The following PCDHGA4 variants were observed in gnomAD, a reference collection of about 807,000 sequenced individuals.
The protein encoded by PCDHGA4 is protocadherin gamma-A4.
A neutral mutation model predicts 54.6 loss-of-function variants in PCDHGA4; 38 were observed. That is an observed-to-expected ratio of 0.70 (90% CI 0.54 to 0.91). The LOEUF is 0.91. PCDHGA4 is among the 40% of genes least tolerant of loss of function. The probability of loss-of-function intolerance (pLI) is 0.00; values close to 1 mark genes in which losing one functional copy is unlikely to be tolerated. For missense variants in PCDHGA4, 1,298 were observed against 1,220.9 expected, an observed-to-expected ratio of 1.06 and a Z score of -0.94; for synonymous variants, 511 against 512.9, an observed-to-expected ratio of 1.00 and a Z score of 0.05.
chr5:141,370,090 A>G (rs1766666321), intron 1 of PCDHGA4, among the ~76,000 whole-genome samples: 1 of 152,252 alleles, frequency 6.6e-6, no homozygotes, highest in South Asian at 2.1e-4. Context: ...CACTATCAGT[A>G]CACTGCCGAT....
At position 141,379,889 on chromosome 5, in the gene PCDHGA4, C is replaced by CTTTTTTTTTTTTTTTTTT. The variant is rs70988800; in HGVS notation, c.2514+22281_2514+22298dup. On this transcript the variant is annotated intron_variant, in intron 1 of 3. Coordinates refer to ENST00000571252, the MANE Select transcript of PCDHGA4 (RefSeq NM_018917.4). ...CTTATTTTATGGTCTGTGAAAGCCT[C>CTTTTTTTTTTTTTTTTTT]TTTTTTTTTTTTTTTTTTTTTTTTT... is the stretch of plus-strand genomic sequence containing the variant. Among the ~76,000 whole-genome samples the CTTTTTTTTTTTTTTTTTT allele has an allele frequency of 4.1e-3, 211 of 50,852 alleles. 27 individuals are homozygous for CTTTTTTTTTTTTTTTTTT. The highest frequency in any genetic ancestry group is 6.1e-3 in the Non-Finnish European group (157 of 25,898). 33.4% of individuals were successfully genotyped at this position (50,852 alleles called of 152,430 possible). A position where few individuals can be genotyped will look rare whatever the true frequency, so the allele number is the denominator to read the frequency against.
chr5:141,393,465 G>A lies in PCDHGA4; in HGVS notation c.2514+35844G>A, dbSNP rs776962387. The stretch of plus-strand genomic sequence containing the variant: ...CCTGGTCCTCACGGCCTCGGATGGC[G>A]GCAAGCCGCCTCGCTCTAGCACAGT... On this transcript the variant is annotated intron_variant, in intron 1 of 3. Transcript: ENST00000571252. 23 of 1,614,048 alleles carry A rather than the reference G, an allele frequency of 1.4e-5. No homozygotes were observed. The East Asian group carries it at 5.1e-4, about 36-fold the overall frequency.
chr5:141,414,785 C>A, intron 1 of PCDHGA4: 1 of 1,614,232 alleles, frequency 6.2e-7, no homozygotes, highest in Non-Finnish European at 8.5e-7. Context: ...ATGCAGGTGA[C>A]AGCCAGCGAC....
At chr5:141,399,719 G>A (rs773556952) in intron 1 of PCDHGA4, 13 of 1,613,168 alleles carry the variant, frequency 8.1e-6, no homozygotes, top group Non-Finnish European at 1.1e-5. Flanking sequence ...CTACAGGCCC[G>A]CGACCAGGGC....
chr5:141,394,724 G>T, intron 1 of PCDHGA4: 1 of 1,613,380 alleles, frequency 6.2e-7, no homozygotes, highest in Non-Finnish European at 8.5e-7. Flanking sequence ...ACAGAGATGC[G>T]CTCAAGCAGA....
intron 1 of PCDHGA4, among the ~76,000 whole-genome samples, chr5:141,373,410 C>A (rs1317795683): frequency 6.6e-6 from 1 of 152,216 alleles, no homozygotes; most frequent in Non-Finnish European, 1.5e-5. Flanking sequence ...GTAGTCCCAG[C>A]TACTCGGGAG....
At chr5:141,368,960 T>G (rs1765952746) in intron 1 of PCDHGA4, among the ~76,000 whole-genome samples, 2 of 152,218 alleles carry the variant, frequency 1.3e-5, no homozygotes, top group African/African-American at 2.4e-5. Flanking sequence ...TAGTTTAAGA[T>G]GCTATAATGC....
At chr5:141,368,970 C>T (rs551619328) in intron 1 of PCDHGA4, among the ~76,000 whole-genome samples, 1 of 152,290 alleles carries the variant, frequency 6.6e-6, no homozygotes, top group South Asian at 2.1e-4. Context: ...TGCTATAATG[C>T]TTTTCCACTA....
At chr5:141,405,708 C>T (rs1328051668) in intron 1 of PCDHGA4, among the ~76,000 whole-genome samples, 2 of 152,164 alleles carry the variant, frequency 1.3e-5, no homozygotes, top group African/African-American at 4.8e-5. Context: ...GAATTCCTAA[C>T]CTCAAGTGAT....
At chr5:141,461,328 A>G (rs2154567322) in intron 1 of PCDHGA4, among the ~76,000 whole-genome samples, 1 of 152,282 alleles carries the variant, frequency 6.6e-6, no homozygotes, top group East Asian at 1.9e-4. Flanking sequence ...AATAATGGCC[A>G]TTCTTGCAGG....
At chr5:141,433,266 T>C in intron 1 of PCDHGA4, 1 of 1,315,306 alleles carries the variant, frequency 7.6e-7, no homozygotes, top group Non-Finnish European at 1.1e-6. Flanking sequence ...CGATCATAGC[T>C]CACTGCAGCC....
intron 1 of PCDHGA4, chr5:141,388,959 G>C: frequency 6.2e-7 from 1 of 1,613,996 alleles, no homozygotes; most frequent in Non-Finnish European, 8.5e-7. Flanking sequence ...GGAGGACGCC[G>C]AGCTGGGAAC....
intron 1 of PCDHGA4, chr5:141,441,249 T>TA (rs981387539): frequency 2.0e-5 from 3 of 152,206 alleles, no homozygotes. Context: ...ACAAGATCTT[T>TA]AAATCACAAG....
At chr5:141,481,220 C>T (rs896803040) in intron 1 of PCDHGA4, among the ~76,000 whole-genome samples, 1 of 152,130 alleles carries the variant, frequency 6.6e-6, no homozygotes, top group African/African-American at 2.4e-5. Context: ...GGTAAGGTCT[C>T]CCAGCCTTAA....
At chr5:141,438,268 C>T (rs949472857) in intron 1 of PCDHGA4, among the ~76,000 whole-genome samples, 1 of 152,054 alleles carries the variant, frequency 6.6e-6, no homozygotes. Flanking sequence ...ACCATAGAAT[C>T]AAACAAAATA....
In PCDHGA4 at chr5:141,374,228, G is replaced by A. The variant is rs776875063; in HGVS notation, c.2514+16607G>A. On this transcript the variant is annotated intron_variant, in intron 1 of 3. Coordinates refer to ENST00000571252, the MANE Select transcript of PCDHGA4 (RefSeq NM_018917.4). ...GAAAGGCTCCTTCGTAGGCAACATC[G>A]TCAAGGATCTGGGACTGGAGCCCCA... The A allele has an allele frequency of 3.1e-6, 5 of 1,613,988 alleles. No homozygotes were observed. In the South Asian group the frequency reaches 3.3e-5, roughly 11 times the overall value.
At position 141,490,487 on chromosome 5, in the gene PCDHGA4, C is replaced by T. The variant is rs1398601464; in HGVS notation, c.2515-4320C>T. Reference sequence around the variant, plus strand: ...ACCAGCCAGCCTTTGGACCGGGAGGCCACATCCCACTATATCATCGAGCTG... The same window carrying T: ...ACCAGCCAGCCTTTGGACCGGGAGGTCACATCCCACTATATCATCGAGCTG... On this transcript the variant is annotated intron_variant, in intron 1 of 3. Coordinates refer to ENST00000571252, the MANE Select transcript of PCDHGA4 (RefSeq NM_018917.4). This position sits in a 1 kb window ranked among gnomAD's most constrained non-coding sequence, Gnocchi z 5.4. 4 of 1,614,000 alleles carry T rather than the reference C, an allele frequency of 2.5e-6. No homozygotes were observed. The highest frequency in any genetic ancestry group is 1.7e-5 in the Admixed American group (1 of 59,996).
rs772052592 is a variant in PCDHGA4, at chr5:141,385,040, T to C, written c.2514+27419T>C. 6.2e-6 allele frequency: 10 copies of C among 1,614,040 alleles called. No individual in the cohort carries two copies. In the South Asian group the frequency reaches 9.9e-5, roughly 16 times the overall value. On this transcript the variant is annotated intron_variant, in intron 1 of 3. Coordinates refer to ENST00000571252, the MANE Select transcript of PCDHGA4 (RefSeq NM_018917.4). The stretch of plus-strand genomic sequence containing the variant: ...GCCTTCGTCCTCGTACTGCTGGCGC[T>C]CAGGCTGCGGCGCTGGCACAAGTCA...
chr5:141,390,528 G>T (rs1438036547), intron 1 of PCDHGA4: 1 of 537,820 alleles, frequency 1.9e-6, no homozygotes, highest in Non-Finnish European at 3.3e-6. Context: ...TGAGGGTGTG[G>T]TTTTAACCAC....
Sources: gnomAD v4.1 joint callset for allele counts (sites outside exome capture counted in the v4.1 genomes callset) on GRCh38, gnomAD v4.1.1 for gene constraint, Gnocchi (gnomAD v3.1) non-coding constraint, MANE v1.5 for transcripts, NCBI Gene and HGNC (gene_info 2026-07-23, HGNC 2026-07-21) for gene names.